Variants in SPAG16 observed in about 807,000 individuals in gnomAD.
SPAG16 encodes sperm associated antigen 16.
SPAG16 carries 86 observed loss-of-function variants against 80.4 expected under a neutral mutation model. The observed-to-expected ratio is 1.07, with a 90% CI of 0.90 to 1.28. The LOEUF (loss-of-function observed/expected upper bound fraction) is 1.28. SPAG16 is among the 50% of genes most tolerant of loss of function. SPAG16 has a pLI of 0.00. For missense variants in SPAG16, 870 were observed against 765.3 expected (o/e 1.14, Z -1.61); for synonymous variants, 294 against 265.9 (o/e 1.11, Z -1.03).
At chr2:213,764,862 T>C (rs935161649) in intron 10 of SPAG16, among the ~76,000 whole-genome samples, 1 of 152,186 alleles carries the variant, frequency 6.6e-6, no homozygotes, top group Non-Finnish European at 1.5e-5. Flanking sequence ...TTTAACACTT[T>C]GTTTCTCAAA....
In SPAG16 at chr2:214,234,253, G is replaced by A. The variant is rs886470717; in HGVS notation, c.1720+84987G>A. Among the ~76,000 whole-genome samples the A allele has an allele frequency of 3.3e-5, 5 of 152,012 alleles. No individual in the cohort carries two copies. The East Asian group carries it at 7.7e-4, about 23-fold the overall frequency. On this transcript the variant is annotated intron_variant, in intron 15 of 15. Transcript: ENST00000331683. ...TTATGGCTGCATAGTATTCCATGGT[G>A]TATATGTACCACATTTTCTTTATCA...
intron 12 of SPAG16, among the ~76,000 whole-genome samples, chr2:213,943,463 C>T (rs2079300746): frequency 6.6e-6 from 1 of 152,088 alleles, no homozygotes; most frequent in Non-Finnish European, 1.5e-5. Flanking sequence ...CTCATGTGAT[C>T]TCAGACAAAA....
intron 1 of SPAG16, among the ~76,000 whole-genome samples, chr2:213,295,375 T>C (rs2062456301): frequency 1.3e-5 from 2 of 152,108 alleles, no homozygotes; most frequent in Non-Finnish European, 2.9e-5. Context: ...CTTAGAATTA[T>C]TTTATGTTAG....
At chr2:213,350,812 T>A (rs530726452) in intron 7 of SPAG16, among the ~76,000 whole-genome samples, 167 bp downstream of exon 7, 1 of 152,262 alleles carries the variant, frequency 6.6e-6, no homozygotes, top group African/African-American at 2.4e-5. Flanking sequence ...TTTCTCCATT[T>A]AACTACCTAT....
chr2:213,499,214 T>C (rs2074631451), intron 10 of SPAG16, among the ~76,000 whole-genome samples: 2 of 152,134 alleles, frequency 1.3e-5, no homozygotes, highest in South Asian at 4.1e-4. Flanking sequence ...TACCTCCTTT[T>C]TCCACTTGCA....
At chr2:214,109,357 A>G (rs1306078171) in intron 14 of SPAG16, among the ~76,000 whole-genome samples, 2 of 151,956 alleles carry the variant, frequency 1.3e-5, no homozygotes, top group African/African-American at 2.4e-5. Context: ...TACATAGATG[A>G]CCTCTCAGGT....
At chr2:213,739,737 G>C (rs1012135814) in intron 10 of SPAG16, among the ~76,000 whole-genome samples, 3 of 152,074 alleles carry the variant, frequency 2.0e-5, no homozygotes, top group Non-Finnish European at 2.9e-5. Context: ...GAGTAGCTGG[G>C]ACCACAGGCA....
chr2:213,590,641 C>T (rs890065092), intron 10 of SPAG16, among the ~76,000 whole-genome samples: 2 of 152,056 alleles, frequency 1.3e-5, no homozygotes, highest in African/African-American at 4.8e-5. Context: ...ATTAAAAAGT[C>T]AGAAAATAAC....
chr2:213,438,827 G>T (rs2070781967), intron 9 of SPAG16, among the ~76,000 whole-genome samples: 1 of 152,238 alleles, frequency 6.6e-6, no homozygotes, highest in South Asian at 2.1e-4. Context: ...TTTAAAAAGA[G>T]AGTGTAGAAA....
chr2:213,618,664 T>A (rs1485269217), intron 10 of SPAG16, among the ~76,000 whole-genome samples: 1 of 152,108 alleles, frequency 6.6e-6, no homozygotes, highest in Non-Finnish European at 1.5e-5. Context: ...GTTTATAGTT[T>A]GCTGAATATG....
intron 13 of SPAG16, among the ~76,000 whole-genome samples, chr2:214,046,991 T>A (rs987622922): frequency 6.6e-6 from 1 of 150,888 alleles, no homozygotes; most frequent in African/African-American, 2.4e-5. Flanking sequence ...AAGTGAAAGA[T>A]CTCTTAAATG....
At chr2:213,425,323 A>C (rs1312417250) in intron 9 of SPAG16, among the ~76,000 whole-genome samples, 1 of 151,614 alleles carries the variant, frequency 6.6e-6, no homozygotes, top group Non-Finnish European at 1.5e-5. Context: ...CCGTCTCCAA[A>C]AAAAGAATGT....
At chr2:213,449,554 C>T (rs1423715628) in intron 9 of SPAG16, among the ~76,000 whole-genome samples, 3 of 152,188 alleles carry the variant, frequency 2.0e-5, no homozygotes, top group Non-Finnish European at 4.4e-5. Flanking sequence ...TAAAATTCCT[C>T]TCTTTATACT....
At chr2:214,018,565 T>C (rs2047704278) in intron 13 of SPAG16, among the ~76,000 whole-genome samples, 1 of 152,200 alleles carries the variant, frequency 6.6e-6, no homozygotes, top group South Asian at 2.1e-4. Context: ...ACTGAATCCA[T>C]GGTATACTGG....
chr2:213,817,218 A>ATATATATATATGCT (rs2072601298), intron 10 of SPAG16, among the ~76,000 whole-genome samples: 2 of 146,418 alleles, frequency 1.4e-5, no homozygotes, highest in African/African-American at 5.0e-5. Context: ...GCATGCATAT[A>ATATATATATATGCT]TATATATATA....
chr2:214,255,804 C>G (rs746338693), intron 15 of SPAG16, among the ~76,000 whole-genome samples: 2 of 151,758 alleles, frequency 1.3e-5, no homozygotes, highest in Non-Finnish European at 2.9e-5. Flanking sequence ...TCAGTTTATC[C>G]CTTATTTCTG....
chr2:214,026,516 AT>A (rs1164649303), intron 13 of SPAG16, among the ~76,000 whole-genome samples: 2 of 151,764 alleles, frequency 1.3e-5, no homozygotes, highest in African/African-American at 4.8e-5. Context: ...GTATAAGGAT[AT>A]GCCAGGTTCT....
At chr2:213,476,663 G>A (rs760763192) in intron 9 of SPAG16, among the ~76,000 whole-genome samples, 26 of 152,280 alleles carry the variant, frequency 1.7e-4, no homozygotes, top group South Asian at 4.1e-4. Flanking sequence ...ATTTTTGCTC[G>A]CATAGTTTGG....
chr2:213,292,800 G>C (rs909193090), intron 1 of SPAG16, among the ~76,000 whole-genome samples: 3 of 151,684 alleles, frequency 2.0e-5, no homozygotes, highest in African/African-American at 7.3e-5. Flanking sequence ...AAATTTAAAA[G>C]ATTTTTTTTT....
Sources: gnomAD v4.1 joint callset for allele counts (sites outside exome capture counted in the v4.1 genomes callset) on GRCh38, gnomAD v4.1.1 for gene constraint, MANE v1.5 for transcripts, NCBI Gene and HGNC (gene_info 2026-07-23, HGNC 2026-07-21) for gene names.